MEF2A: variants seen among roughly 807,000 people sequenced by gnomAD.
MEF2A encodes the protein myocyte-specific enhancer factor 2A.
Under a neutral mutation model 55.8 loss-of-function variants are expected in MEF2A, and 28 were observed. That is an observed-to-expected ratio of 0.50 (90% CI 0.37 to 0.69). MEF2A has a LOEUF of 0.69. Among genes scored for constraint, MEF2A ranks in the 30% least tolerant of loss-of-function variants. MEF2A has a pLI of 0.00. For synonymous variants in MEF2A, 239 were observed against 227.1 expected (o/e 1.05, Z -0.47); for missense variants, 528 against 626.2 (o/e 0.84, Z 1.67).
At chr15:99,665,824 A>G (rs2049564420) in intron 4 of MEF2A, among the ~76,000 whole-genome samples, 1 of 151,866 alleles carries the variant, frequency 6.6e-6, no homozygotes, top group Non-Finnish European at 1.5e-5. Flanking sequence ...CAGCCAACAA[A>G]CATATGAAAA....
At chr15:99,606,208 A>C (rs1975057576) in intron 2 of MEF2A, among the ~76,000 whole-genome samples, 1 of 152,192 alleles carries the variant, frequency 6.6e-6, no homozygotes, top group Non-Finnish European at 1.5e-5. Context: ...TATGGAAAGA[A>C]ATGACTTATG....
intron 10 of MEF2A, among the ~76,000 whole-genome samples, chr15:99,710,324 C>G (rs1189292118): frequency 1.3e-5 from 2 of 152,122 alleles, no homozygotes; most frequent in African/African-American, 2.4e-5. Flanking sequence ...CTCACTGCAG[C>G]CTCTGCCTCC....
At chr15:99,603,070 ACTTC>A (rs1326896058) in intron 2 of MEF2A, among the ~76,000 whole-genome samples, 1 of 152,056 alleles carries the variant, frequency 6.6e-6, no homozygotes, top group Non-Finnish European at 1.5e-5. Context: ...ATATTTGCAA[ACTTC>A]CTTCTTTTTC....
chr15:99,626,389 A>G (rs1211617479), intron 2 of MEF2A, among the ~76,000 whole-genome samples: 3 of 151,258 alleles, frequency 2.0e-5, no homozygotes, highest in Non-Finnish European at 2.9e-5. Flanking sequence ...AGGTTTGTCA[A>G]TTTTGTTAAT....
rs1332579803 is a variant in MEF2A at position 99,712,487 on chromosome 15, A to G, written c.1234A>G (p.Met412Val). 4 of 1,551,228 alleles carry G rather than the reference A, an allele frequency of 2.6e-6. No homozygotes were observed. The highest frequency in any genetic ancestry group is 3.9e-5 in the Admixed American group (2 of 50,908). The change falls in exon 12 of 12, where the codon ATG becomes GTG. Residue 412 changes from methionine to valine, a missense_variant. Around this residue, in one of 2 missense-constraint regions of MEF2A, gnomAD observed 450 missense variants for 475.3 expected, o/e 0.95. Coordinates refer to ENST00000557942, the MANE Select transcript of MEF2A (RefSeq NM_001319206.4). This position sits in a 1 kb window ranked among gnomAD's most constrained non-coding sequence, Gnocchi z 4.1. ...ACCGATTTCACCTCCTCGGGATCGT[A>G]TGACCCCATCGGGCTTCCAGCAGCA... The part of the protein sequence containing the change: ...SEPISPPRDR[M>V]TPSGFQQQQQ...
At chr15:99,597,255 GA>G (rs1362596351) in intron 1 of MEF2A, among the ~76,000 whole-genome samples, 2 of 152,278 alleles carry the variant, frequency 1.3e-5, no homozygotes, top group African/African-American at 4.8e-5. Context: ...CCCTGAGAAA[GA>G]GAATGCGCAC....
At chr15:99,675,643 C>G (rs547426696) in intron 7 of MEF2A, among the ~76,000 whole-genome samples, 185 bp downstream of exon 7, 1 of 152,252 alleles carries the variant, frequency 6.6e-6, no homozygotes, top group Non-Finnish European at 1.5e-5. Flanking sequence ...TAGACTGTTA[C>G]CAAACTACTC....
intron 1 of MEF2A, among the ~76,000 whole-genome samples, chr15:99,589,932 T>G (rs1250426938): frequency 6.6e-6 from 1 of 152,122 alleles, no homozygotes; most frequent in East Asian, 1.9e-4. Context: ...TCTTTGTTGT[T>G]GATTGTACCA....
chr15:99,572,672 T>C (rs1169161956), intron 1 of MEF2A, among the ~76,000 whole-genome samples: 2 of 152,232 alleles, frequency 1.3e-5, no homozygotes, highest in Non-Finnish European at 2.9e-5. Context: ...GCACACATAG[T>C]TATAGTTATT....
chr15:99,666,342 G>A (rs1483081550), intron 4 of MEF2A, among the ~76,000 whole-genome samples: 1 of 151,988 alleles, frequency 6.6e-6, no homozygotes, highest in Non-Finnish European at 1.5e-5. Context: ...CACAAAAACA[G>A]AAAACTAAAC....
chr15:99,669,024 GAT>G (rs1275903769), intron 4 of MEF2A, among the ~76,000 whole-genome samples: 1 of 152,194 alleles, frequency 6.6e-6, no homozygotes, highest in African/African-American at 2.4e-5. Context: ...CAGAGCTGGA[GAT>G]ACCAGAGCAC....
intron 2 of MEF2A, among the ~76,000 whole-genome samples, chr15:99,623,467 C>G (rs1017951671): frequency 1.3e-5 from 2 of 152,158 alleles, no homozygotes; most frequent in Non-Finnish European, 2.9e-5. Context: ...ATTTTCTGAG[C>G]AAACGCCATA....
chr15:99,686,528 G>A (rs1429658452), intron 7 of MEF2A, among the ~76,000 whole-genome samples: 1 of 152,184 alleles, frequency 6.6e-6, no homozygotes, highest in Non-Finnish European at 1.5e-5. Context: ...TTTGTTTGAG[G>A]AAGCTAAAGA....
intron 10 of MEF2A, 132 bp downstream of exon 10, chr15:99,706,987 G>A (rs148478769): frequency 7.6e-6 from 9 of 1,180,816 alleles, no homozygotes; most frequent in Middle Eastern, 2.1e-4. Context: ...AAATTAGGAT[G>A]TATTTTTCAA....
intron 7 of MEF2A, among the ~76,000 whole-genome samples, chr15:99,680,066 G>A (rs1420981377): frequency 6.6e-6 from 1 of 152,188 alleles, no homozygotes; most frequent in African/African-American, 2.4e-5. Flanking sequence ...AAATGCCAAG[G>A]TTGATGAAGT....
intron 7 of MEF2A, among the ~76,000 whole-genome samples, chr15:99,688,130 C>T (rs1329767263): frequency 6.6e-6 from 1 of 152,170 alleles, no homozygotes; most frequent in African/African-American, 2.4e-5. Flanking sequence ...AATTGAAATA[C>T]CACACTGTAA....
chr15:99,573,488 A>AT (rs1247084884), intron 1 of MEF2A, among the ~76,000 whole-genome samples: 4 of 152,150 alleles, frequency 2.6e-5, no homozygotes, highest in Admixed American at 1.3e-4. Flanking sequence ...ATTTCCTCAG[A>AT]TTCTATTTTG....
At chr15:99,638,352 G>T (rs1480934853) in intron 3 of MEF2A, among the ~76,000 whole-genome samples, 1 of 151,944 alleles carries the variant, frequency 6.6e-6, no homozygotes, top group Non-Finnish European at 1.5e-5. Context: ...TTACTGTGAT[G>T]GACCCACAAG....
chr15:99,678,674 A>G (rs1050514806), intron 7 of MEF2A: 23 of 984,854 alleles, frequency 2.3e-5, no homozygotes, highest in Non-Finnish European at 2.8e-5. Context: ...AAGAAGAGGC[A>G]TCCTTGAGAC....
Sources: gnomAD v4.1 joint callset for allele counts (sites outside exome capture counted in the v4.1 genomes callset) on GRCh38, gnomAD v4.1.1 for gene constraint, gnomAD v4.1.1 regional missense constraint, Gnocchi (gnomAD v3.1) non-coding constraint, MANE v1.5 for transcripts, NCBI Gene and HGNC (gene_info 2026-07-23, HGNC 2026-07-21) for gene names.